Variants in RAD52 observed in about 807,000 individuals in gnomAD.
RAD52 encodes the protein DNA repair protein RAD52 homolog.
RAD52 carries 47 observed loss-of-function variants against 55.5 expected under a neutral mutation model. That is an observed-to-expected ratio of 0.85 (90% CI 0.67 to 1.08). The LOEUF (loss-of-function observed/expected upper bound fraction) is 1.08, where lower values mean the gene tolerates loss of function less well. Ranked by LOEUF, RAD52 falls within the 50% of genes least tolerant of loss-of-function variation. The pLI, the probability that RAD52 is intolerant of heterozygous loss-of-function variation, is 0.00. For missense variants in RAD52, 468 were observed against 522.8 expected (o/e 0.90, Z 1.02); for synonymous variants, 184 against 198.9 (o/e 0.92, Z 0.63).
chr12:985,505 C>T (rs1360256720), intron 1 of RAD52, among the ~76,000 whole-genome samples: 2 of 152,104 alleles, frequency 1.3e-5, no homozygotes, highest in Non-Finnish European at 2.9e-5. Context: ...ATTGCCTAAT[C>T]CAAAGCCATG....
chr12:970,006 A>G (rs1958819633), intron 1 of RAD52, among the ~76,000 whole-genome samples: 1 of 151,740 alleles, frequency 6.6e-6, no homozygotes, highest in African/African-American at 2.4e-5. Flanking sequence ...ATCCCACTCC[A>G]TTTCTGGTGA....
intron 6 of RAD52, among the ~76,000 whole-genome samples, chr12:926,242 C>A (rs761217060): frequency 6.6e-6 from 1 of 151,776 alleles, no homozygotes; most frequent in African/African-American, 2.4e-5. Flanking sequence ...CCTGTGATCC[C>A]GGCACTTTGG....
At chr12:969,951 G>C (rs1252283114) in intron 1 of RAD52, among the ~76,000 whole-genome samples, 1 of 151,926 alleles carries the variant, frequency 6.6e-6, no homozygotes, top group Non-Finnish European at 1.5e-5. Context: ...CTGTTCTGTT[G>C]ACAGACTTTG....
At chr12:962,693 CTTAT>C (rs754599069) in intron 1 of RAD52, among the ~76,000 whole-genome samples, 5 of 151,274 alleles carry the variant, frequency 3.3e-5, no homozygotes, top group Admixed American at 6.6e-5. Flanking sequence ...GTTTGCATGC[CTTAT>C]TTATTTATTT....
chr12:964,633 C>T (rs996018377), intron 1 of RAD52, among the ~76,000 whole-genome samples: 3 of 152,068 alleles, frequency 2.0e-5, no homozygotes, highest in African/African-American at 7.3e-5. Context: ...GGCTGGAGTG[C>T]AGTGGCACAG....
At chr12:946,517 G>C (rs935659512) in intron 1 of RAD52, among the ~76,000 whole-genome samples, 4 of 152,142 alleles carry the variant, frequency 2.6e-5, no homozygotes, top group Non-Finnish European at 4.4e-5. Context: ...GCAGTAACAT[G>C]AACTCACAGC....
chr12:922,776 C>G (rs1956807041), intron 7 of RAD52, among the ~76,000 whole-genome samples: 1 of 151,966 alleles, frequency 6.6e-6, no homozygotes, highest in Non-Finnish European at 1.5e-5. Context: ...TTGAGACTAG[C>G]CTGGGCAATA....
In RAD52 at chr12:958,361, G is replaced by T. The variant is rs187856440; in HGVS notation, c.-18-25285C>A. Among the ~76,000 whole-genome samples the T allele has an allele frequency of 2.0e-3, 306 of 152,128 alleles. 5 individuals carry two copies. The highest frequency in any genetic ancestry group is 6.1e-3 in the Admixed American group (93 of 15,264). On this transcript the variant is annotated intron_variant, in intron 1 of 11. Transcript: ENST00000430095. ...CTCCCAAGTAGCTGGGATTATAAGCGCTCGCCACCATACCCGGTTAATTTT... is the reference window on the plus strand; with the variant it reads ...CTCCCAAGTAGCTGGGATTATAAGCTCTCGCCACCATACCCGGTTAATTTT...
intron 1 of RAD52, among the ~76,000 whole-genome samples, chr12:935,885 TA>T (rs1957595817): frequency 2.0e-5 from 3 of 149,692 alleles, no homozygotes; most frequent in Admixed American, 1.3e-4. Flanking sequence ...AATAAATAAA[TA>T]AATAAATAAA....
chr12:933,679 A>C (rs1957458152), intron 1 of RAD52, among the ~76,000 whole-genome samples: 1 of 152,184 alleles, frequency 6.6e-6, no homozygotes, highest in African/African-American at 2.4e-5. Context: ...TACATTTAGA[A>C]CTATAAAATC....
At chr12:978,491 G>T (rs1958964264) in intron 1 of RAD52, among the ~76,000 whole-genome samples, 1 of 152,002 alleles carries the variant, frequency 6.6e-6, no homozygotes, top group African/African-American at 2.4e-5. Context: ...CATCATTTTT[G>T]AATTAAGTTC....
At chr12:965,872 A>C (rs762162683) in intron 1 of RAD52, among the ~76,000 whole-genome samples, 4 of 151,950 alleles carry the variant, frequency 2.6e-5, no homozygotes, top group Non-Finnish European at 5.9e-5. Context: ...TTTTTAGTAG[A>C]GACAGGGTTT....
intron 7 of RAD52, among the ~76,000 whole-genome samples, chr12:922,058 T>C (rs566798118): frequency 2.0e-5 from 3 of 152,080 alleles, no homozygotes; most frequent in African/African-American, 7.2e-5. Context: ...TGAACCAAGA[T>C]TGTGCCACTG....
At chr12:960,182 C>T (rs930778523) in intron 1 of RAD52, among the ~76,000 whole-genome samples, 4 of 152,060 alleles carry the variant, frequency 2.6e-5, no homozygotes, top group African/African-American at 9.7e-5. Context: ...GGTTGTTGTA[C>T]GGAGAATGGA....
chr12:959,490 C>A (rs2154120557), intron 1 of RAD52, among the ~76,000 whole-genome samples: 1 of 152,342 alleles, frequency 6.6e-6, no homozygotes, highest in Admixed American at 6.5e-5. Context: ...AGATGTTCGA[C>A]AATGACTTTA....
intron 1 of RAD52, among the ~76,000 whole-genome samples, chr12:965,876 A>G (rs772580359): frequency 6.6e-5 from 10 of 151,958 alleles, no homozygotes; most frequent in South Asian, 2.1e-4. Flanking sequence ...TAGTAGAGAC[A>G]GGGTTTCGCC....
chr12:965,127 G>A (rs1050671981), intron 1 of RAD52, among the ~76,000 whole-genome samples: 2 of 151,634 alleles, frequency 1.3e-5, no homozygotes, highest in Non-Finnish European at 2.9e-5. Context: ...GTACAGGTGC[G>A]CACCACCACG....
At position 926,766 on chromosome 12, in the gene RAD52, G is replaced by A. The variant is rs1388401646; in HGVS notation, c.467+379C>T. ...TAAATGGACTAACACGGACATCTGC[G>A]TGACTGTGTAACTACGTTAACTATG... On this transcript the variant is annotated intron_variant, in intron 6 of 11. Coordinates refer to ENST00000358495, the MANE Select transcript of RAD52 (RefSeq NM_134424.4). The A allele has an allele frequency of 4.6e-6, 7 of 1,521,832 alleles. No homozygotes were observed. The East Asian group carries it at 7.4e-5, about 16-fold the overall frequency. The allele number at this position is 1,521,832 out of a possible 1,614,324, so 94.3% of individuals were successfully genotyped here. A position where few individuals can be genotyped will look rare whatever the true frequency, so the allele number is the denominator to read the frequency against.
At chr12:934,917 A>T (rs1957533421) in intron 1 of RAD52, among the ~76,000 whole-genome samples, 1 of 152,126 alleles carries the variant, frequency 6.6e-6, no homozygotes, top group African/African-American at 2.4e-5. Flanking sequence ...GTTCGAGATC[A>T]GCCTGACCAA....
Sources: allele counts gnomAD v4.1 joint callset (sites outside exome capture counted in the v4.1 genomes callset), GRCh38; gene constraint gnomAD v4.1.1; transcripts MANE v1.5; gene names NCBI Gene and HGNC (gene_info 2026-07-23, HGNC 2026-07-21).